Variants in REC114 observed in about 807,000 individuals in gnomAD.
REC114 encodes the protein meiotic recombination protein REC114.
Under a neutral mutation model 31.3 loss-of-function variants are expected in REC114, and 27 were observed. The ratio of observed to expected loss-of-function variants is 0.86; its 90% CI spans 0.64 to 1.19. REC114 has a LOEUF of 1.19. Among genes scored for constraint, REC114 ranks in the 50% most tolerant of loss-of-function variants. The pLI, the probability that REC114 is intolerant of heterozygous loss-of-function variation, is 0.00. For missense variants in REC114, 344 were observed against 326.9 expected, an observed-to-expected ratio of 1.05 and a Z score of -0.40; for synonymous variants, 134 against 127.7, an observed-to-expected ratio of 1.05 and a Z score of -0.33.
chr15:73,479,623 A>G lies in REC114; in HGVS notation c.249+5702A>G, dbSNP rs537847933. On this transcript the variant is annotated intron_variant, in intron 2 of 5. Transcript: ENST00000331090. ...GCCCACCCCTAGTAACCACTATTCT[A>G]TTCTCTGCTTCTATGAATTTTACTA... is the stretch of plus-strand genomic sequence containing the variant. Among the ~76,000 whole-genome samples the G allele has an allele frequency of 5.9e-4, 90 of 152,058 alleles. 2 individuals carry two copies. The South Asian group carries it at 0.017, about 28-fold the overall frequency.
intron 3 of REC114, among the ~76,000 whole-genome samples, chr15:73,548,934 A>G (rs1382653900): frequency 6.6e-6 from 1 of 152,194 alleles, no homozygotes; most frequent in Non-Finnish European, 1.5e-5. Context: ...GGAACAGAAA[A>G]CCAAATACCA....
At chr15:73,541,863 T>A (rs370610782) in intron 3 of REC114, among the ~76,000 whole-genome samples, 6 of 152,294 alleles carry the variant, frequency 3.9e-5, no homozygotes, top group African/African-American at 1.4e-4. Flanking sequence ...TTAAACTAAC[T>A]ACAAAGAGCA....
In REC114 at chr15:73,443,307, G is replaced by C. The variant is rs1444385912; in HGVS notation, c.122G>C (p.Cys41Ser). ...PSNTRDPPGP[C>S]LEAGTAPCPT... is the part of the protein sequence containing the mutation. Reference sequence around the variant, plus strand: ...AACACCAGAGACCCACCTGGGCCATGCCTGGAAGCTGGGACAGCCCCCTGC... The same window carrying C: ...AACACCAGAGACCCACCTGGGCCATCCCTGGAAGCTGGGACAGCCCCCTGC... Residue 41 changes from cysteine (C) to serine (S), a missense_variant, in exon 1 of 6, where the codon TGC (cysteine) becomes TCC (serine). Cys to Ser is a moderately radical substitution (Grantham distance 112, BLOSUM62 -1). Coordinates refer to ENST00000331090, the MANE Select transcript of REC114 (RefSeq NM_001042367.2). 1 of 1,582,842 alleles carries C rather than the reference G, an allele frequency of 6.3e-7. No homozygotes were observed. Among genetic ancestry groups the C allele is most frequent in the Non-Finnish European group, 8.6e-7 (1 of 1,165,570 alleles).
At chr15:73,508,076 G>C (rs1893705635) in intron 2 of REC114, among the ~76,000 whole-genome samples, 1 of 152,014 alleles carries the variant, frequency 6.6e-6, no homozygotes, top group East Asian at 1.9e-4. Flanking sequence ...TTGTTGGTTG[G>C]TTGTTCTTCT....
At position 73,474,052 on chromosome 15, in the gene REC114, G is replaced by C. The variant is rs978916387; in HGVS notation, c.249+131G>C. ...AAGGTCAACACATTAAGCATTTATC[G>C]AATGTGCCATAATAGTGGGAAATAC... On this transcript the variant is annotated intron_variant, in intron 2 of 5. Transcript: ENST00000331090. The C allele has an allele frequency of 5.9e-6, 4 of 678,424 alleles. 1 individual carries two copies. The South Asian group carries it at 7.0e-5, about 12-fold the overall frequency. 42.0% of individuals were successfully genotyped at this position (678,424 alleles called of 1,614,324 possible). A position where few individuals can be genotyped will look rare whatever the true frequency, so the allele number is the denominator to read the frequency against.
chr15:73,471,774 C>A (rs977432019), intron 1 of REC114, among the ~76,000 whole-genome samples: 4 of 151,968 alleles, frequency 2.6e-5, no homozygotes, highest in Non-Finnish European at 4.4e-5. Context: ...AAATACCCAT[C>A]AGCAAACAAA....
chr15:73,478,201 TTGCAGTGACCCGACACGG>T (rs1331760882), intron 2 of REC114, among the ~76,000 whole-genome samples: 21 of 145,928 alleles, frequency 1.4e-4, no homozygotes, highest in African/African-American at 5.2e-4. Flanking sequence ...GAGACAGAGG[TTGCAGTGACCCGACACGG>T]TGCCACTGCA....
intron 2 of REC114, among the ~76,000 whole-genome samples, chr15:73,494,717 T>C (rs1045151975): frequency 2.0e-5 from 3 of 152,168 alleles, no homozygotes; most frequent in African/African-American, 7.2e-5. Context: ...GGCCAGAATA[T>C]CCAAATATAC....
chr15:73,480,555 CAGAAAGCAACACGTAGA>C (rs1893280587), intron 2 of REC114, among the ~76,000 whole-genome samples: 1 of 152,190 alleles, frequency 6.6e-6, no homozygotes, highest in African/African-American at 2.4e-5. Context: ...TTGGCCTCCA[CAGAAAGCAACACGTAGA>C]AGAGCAAACA....
At chr15:73,444,501 T>A (rs1892740951) in intron 1 of REC114, among the ~76,000 whole-genome samples, 1 of 152,230 alleles carries the variant, frequency 6.6e-6, no homozygotes, top group Non-Finnish European at 1.5e-5. Context: ...TCGTCATCTC[T>A]TCAAGTTTTA....
At chr15:73,544,155 T>C (rs1322411409) in intron 3 of REC114, among the ~76,000 whole-genome samples, 1 of 152,064 alleles carries the variant, frequency 6.6e-6, no homozygotes, top group Non-Finnish European at 1.5e-5. Context: ...TCTCTTTCAA[T>C]TATAGTTTAT....
At chr15:73,502,422 T>G (rs1000258903) in intron 2 of REC114, among the ~76,000 whole-genome samples, 3 of 152,206 alleles carry the variant, frequency 2.0e-5, no homozygotes, top group Admixed American at 2.0e-4. Flanking sequence ...AGCCTACCGT[T>G]GACTGCCTTA....
intron 1 of REC114, among the ~76,000 whole-genome samples, chr15:73,445,769 A>G (rs187322057): frequency 6.6e-6 from 1 of 152,302 alleles, no homozygotes; most frequent in East Asian, 1.9e-4. Context: ...ACTGTCTTCT[A>G]TGGGCATGGT....
At chr15:73,554,148 CATGA>C (rs1168144306) in intron 4 of REC114, among the ~76,000 whole-genome samples, 1 of 152,192 alleles carries the variant, frequency 6.6e-6, no homozygotes, top group African/African-American at 2.4e-5. Flanking sequence ...CAAGAGAGGG[CATGA>C]TAAGACAGTG....
intron 1 of REC114, among the ~76,000 whole-genome samples, chr15:73,465,223 G>C (rs1281501698): frequency 6.6e-6 from 1 of 152,116 alleles, no homozygotes; most frequent in Admixed American, 6.6e-5. Context: ...CTTAAGGAAA[G>C]GTAAATGGCA....
At chr15:73,521,818 TA>T (rs2141320289) in intron 2 of REC114, among the ~76,000 whole-genome samples, 1 of 152,338 alleles carries the variant, frequency 6.6e-6, no homozygotes, top group African/African-American at 2.4e-5. Flanking sequence ...TTGTTTCTGT[TA>T]TTTAAAACCT....
At chr15:73,540,592 A>G (rs1399277964) in intron 3 of REC114, 24 bp downstream of exon 3, 8 of 1,583,092 alleles carry the variant, frequency 5.1e-6, no homozygotes, top group South Asian at 1.1e-5. Flanking sequence ...TAATGATCAC[A>G]CTCTTCTCAT....
At chr15:73,492,103 GCCT>G (rs2054746819) in intron 2 of REC114, among the ~76,000 whole-genome samples, 1 of 151,814 alleles carries the variant, frequency 6.6e-6, no homozygotes, top group Non-Finnish European at 1.5e-5. Context: ...ATGCTTATTG[GCCT>G]CGTTAAGAAA....
intron 2 of REC114, among the ~76,000 whole-genome samples, chr15:73,510,670 CA>C (rs1188514525): frequency 6.8e-6 from 1 of 147,480 alleles, no homozygotes; most frequent in Non-Finnish European, 1.5e-5. Context: ...TGAATTTTGT[CA>C]AAGGCTTTTT....
Sources: gnomAD v4.1 joint callset for allele counts (sites outside exome capture counted in the v4.1 genomes callset) on GRCh38, gnomAD v4.1.1 for gene constraint, MANE v1.5 for transcripts, NCBI Gene and HGNC (gene_info 2026-07-23, HGNC 2026-07-21) for gene names.